WDFY4: variants seen among roughly 807,000 people sequenced by gnomAD.
WDFY4 encodes WDFY family member 4.
WDFY4 carries 169 observed loss-of-function variants against 351.9 expected under a neutral mutation model. The ratio of observed to expected loss-of-function variants is 0.48; its 90% CI spans 0.42 to 0.55. The LOEUF is 0.55. Ranked by LOEUF, WDFY4 falls within the 20% of genes least tolerant of loss-of-function variation. The probability of loss-of-function intolerance (pLI) is 0.00; values close to 1 mark genes in which losing one functional copy is unlikely to be tolerated. For synonymous variants in WDFY4, 1,622 were observed against 1,574.6 expected (o/e 1.03, Z -0.71); for missense variants, 3,803 against 3,935.6 (o/e 0.97, Z 0.90).
At chr10:48,852,690 C>G (rs150724768) in intron 39 of WDFY4, among the ~76,000 whole-genome samples, 28 of 152,272 alleles carry the variant, frequency 1.8e-4, no homozygotes, top group African/African-American at 6.3e-4. Context: ...ACAGCCTCAT[C>G]CCCATCTGCA....
intron 47 of WDFY4, among the ~76,000 whole-genome samples, chr10:48,930,698 T>A (rs1839941280): frequency 6.6e-6 from 1 of 151,934 alleles, no homozygotes; most frequent in Non-Finnish European, 1.5e-5. Flanking sequence ...TAAAAAAAAA[T>A]TAGAAACAAC....
intron 36 of WDFY4, 21 bp from the exon 37 acceptor site, chr10:48,828,757 G>GA: frequency 7.0e-7 from 1 of 1,427,210 alleles, no homozygotes; most frequent in Non-Finnish European, 9.5e-7. Flanking sequence ...GGATTTTAGT[G>GA]AAAAATCTCT....
At chr10:48,933,520 C>T (rs1209349240) in intron 47 of WDFY4, among the ~76,000 whole-genome samples, 1 of 152,222 alleles carries the variant, frequency 6.6e-6, no homozygotes, top group Non-Finnish European at 1.5e-5. Context: ...TCATCATGTT[C>T]TGCAGATGCT....
chr10:48,941,093 G>A (rs1840729890), intron 47 of WDFY4, among the ~76,000 whole-genome samples: 1 of 152,180 alleles, frequency 6.6e-6, no homozygotes, highest in Non-Finnish European at 1.5e-5. Flanking sequence ...CGTCAGTTGT[G>A]AGAACAAAGC....
intron 10 of WDFY4, among the ~76,000 whole-genome samples, chr10:48,734,921 G>T (rs548286850): frequency 6.7e-6 from 1 of 149,158 alleles, no homozygotes; most frequent in South Asian, 2.1e-4. Context: ...GACTACAGGC[G>T]CACGCCGCCA....
At chr10:48,942,620 C>T (rs906930307) in intron 48 of WDFY4, among the ~76,000 whole-genome samples, 7 of 152,290 alleles carry the variant, frequency 4.6e-5, no homozygotes, top group African/African-American at 1.7e-4. Context: ...TGTAGAGATT[C>T]GGGGACAATG....
intron 23 of WDFY4, among the ~76,000 whole-genome samples, chr10:48,792,907 G>T (rs756860386): frequency 1.3e-5 from 2 of 152,144 alleles, no homozygotes; most frequent in Non-Finnish European, 2.9e-5. Context: ...CTCAGTGAGG[G>T]TTCAGAAATG....
chr10:48,951,362 C>T (rs1046843447), intron 51 of WDFY4, among the ~76,000 whole-genome samples: 6 of 152,142 alleles, frequency 3.9e-5, no homozygotes, highest in Non-Finnish European at 7.4e-5. Context: ...CGTCTGTCTG[C>T]CAGGGCAGAG....
intron 47 of WDFY4, among the ~76,000 whole-genome samples, chr10:48,918,718 T>A (rs1208384193): frequency 6.6e-6 from 1 of 151,400 alleles, no homozygotes; most frequent in African/African-American, 2.4e-5. Context: ...TCTGTTGACA[T>A]TTTAGACCAG....
chr10:48,817,095 A>G (rs934216263), intron 31 of WDFY4, 150 bp from the exon 32 acceptor site: 2 of 904,688 alleles, frequency 2.2e-6, no homozygotes, highest in Non-Finnish European at 3.3e-6. Flanking sequence ...TCAATTGGAC[A>G]CTAGTGTCTG....
chr10:48,876,925 G>A, intron 42 of WDFY4, 108 bp from the exon 43 acceptor site: 4 of 1,167,008 alleles, frequency 3.4e-6, no homozygotes, highest in Non-Finnish European at 4.6e-6. Context: ...CTTCACTTCG[G>A]CCCTGGAGCC....
At chr10:48,685,243 T>C (rs2063010117) in intron 1 of WDFY4, among the ~76,000 whole-genome samples, 1 of 152,138 alleles carries the variant, frequency 6.6e-6, no homozygotes, top group African/African-American at 2.4e-5. Context: ...CCTGAGTGTG[T>C]GTCACTGCTG....
chr10:48,933,554 TGG>T (rs895974819), intron 47 of WDFY4, among the ~76,000 whole-genome samples: 5 of 152,206 alleles, frequency 3.3e-5, no homozygotes, highest in Non-Finnish European at 7.3e-5. Flanking sequence ...CTAGATCCTG[TGG>T]GAAACTTTCT....
At chr10:48,703,257 G>C (rs545252509) in intron 1 of WDFY4, among the ~76,000 whole-genome samples, 1 of 152,326 alleles carries the variant, frequency 6.6e-6, no homozygotes, top group African/African-American at 2.4e-5. Flanking sequence ...GTTTGGATCG[G>C]CTGACAAGCA....
chr10:48,836,976 G>C (rs2620904), intron 39 of WDFY4, among the ~76,000 whole-genome samples: 97,128 of 151,904 alleles, frequency 0.64, 33,082 homozygotes, highest in African/African-American at 0.88. Flanking sequence ...ACATCAACAA[G>C]CAATGTTGGT....
intron 23 of WDFY4, among the ~76,000 whole-genome samples, chr10:48,791,118 A>G (rs568413817): frequency 1.3e-5 from 2 of 152,388 alleles, no homozygotes; most frequent in East Asian, 3.9e-4. Flanking sequence ...AGCTCTGCTC[A>G]GGATGAGGAT....
chr10:48,742,887 A>T, intron 11 of WDFY4, 81 bp from the exon 12 acceptor site: 1 of 1,314,490 alleles, frequency 7.6e-7, no homozygotes, highest in Middle Eastern at 1.9e-4. Flanking sequence ...AGCTAGTGGG[A>T]CGCTCTGGCA....
At chr10:48,922,531 T>A (rs1181134013) in intron 47 of WDFY4, among the ~76,000 whole-genome samples, 1 of 152,216 alleles carries the variant, frequency 6.6e-6, no homozygotes, top group African/African-American at 2.4e-5. Flanking sequence ...TTGAAATTGT[T>A]CTATTTTATG....
At position 48,974,519 on chromosome 10, in the gene WDFY4, A is replaced by AAAAAAAAAAACCAAC. The variant is rs1842472199; in HGVS notation, c.8929-332_8929-331insCAACAAAAAAAAAAC. The stretch of plus-strand genomic sequence containing the variant: ...CTCCGTCTCAAAAAAAAAAAAAAAA[A>AAAAAAAAAAACCAAC]AAAAAAAAAACAACTCATGACATGA... On this transcript the variant is annotated intron_variant, in intron 57 of 61. Transcript: ENST00000325239. Among the ~76,000 whole-genome samples, 7 of 49,924 alleles carry AAAAAAAAAAACCAAC rather than the reference A, an allele frequency of 1.4e-4. 2 individuals carry two copies. Among genetic ancestry groups the AAAAAAAAAAACCAAC allele is most frequent in the Non-Finnish European group, 2.5e-4 (7 of 27,748 alleles). 32.8% of individuals were successfully genotyped at this position (49,924 alleles called of 152,430 possible). A position where few individuals can be genotyped will look rare whatever the true frequency, so the allele number is the denominator to read the frequency against.
Sources: allele counts gnomAD v4.1 joint callset (sites outside exome capture counted in the v4.1 genomes callset), GRCh38; gene constraint gnomAD v4.1.1; transcripts MANE v1.5; gene names NCBI Gene and HGNC (gene_info 2026-07-23, HGNC 2026-07-21).